Variants in KCNK1 observed in about 807,000 individuals in gnomAD.
The protein encoded by KCNK1 is potassium channel subfamily K member 1.
In KCNK1, 10 loss-of-function variants were observed where a neutral mutation model predicts 22.2. That is an observed-to-expected ratio of 0.45 (90% CI 0.28 to 0.76). The LOEUF (loss-of-function observed/expected upper bound fraction) is 0.76. Ranked by LOEUF, KCNK1 falls within the 30% of genes least tolerant of loss-of-function variation. The pLI, the probability that KCNK1 is intolerant of heterozygous loss-of-function variation, is 0.14. For synonymous variants in KCNK1, 200 were observed against 186.4 expected, an observed-to-expected ratio of 1.07 and a Z score of -0.60; for missense variants, 378 against 421.0, an observed-to-expected ratio of 0.90 and a Z score of 0.89.
intron 1 of KCNK1, among the ~76,000 whole-genome samples, chr1:233,656,091 C>G (rs1658291099): frequency 6.6e-6 from 1 of 152,160 alleles, no homozygotes; most frequent in African/African-American, 2.4e-5. Flanking sequence ...AATGTTGACA[C>G]CTCTGCATTC....
In KCNK1 at chr1:233,666,986, C is replaced by G. The variant is rs1658502252; in HGVS notation, c.747C>G (p.Ile249Met). ...TCAGAGAGCTCTATAAGATTGGGATCACGTGTGAGTATTACAGCTCCCTGG... is the reference window on the plus strand; with the variant it reads ...TCAGAGAGCTCTATAAGATTGGGATGACGTGTGAGTATTACAGCTCCCTGG... ...QKFRELYKIG[I>M]TCYLLLGLIA... The change falls in exon 2 of 3, where the codon ATC (isoleucine) becomes ATG (methionine). Residue 249 changes from isoleucine (I) to methionine (M), a missense_variant. Ile to Met is a conservative substitution (Grantham distance 10, BLOSUM62 1). Coordinates refer to ENST00000366621, the MANE Select transcript of KCNK1 (RefSeq NM_002245.4). The G allele has an allele frequency of 1.9e-6, 3 of 1,607,114 alleles. No homozygotes were observed. Among genetic ancestry groups the G allele is most frequent in the Non-Finnish European group, 2.5e-6 (3 of 1,176,976 alleles).
chr1:233,643,284 G>A (rs1415515467), intron 1 of KCNK1, among the ~76,000 whole-genome samples: 4 of 152,102 alleles, frequency 2.6e-5, no homozygotes, highest in Non-Finnish European at 1.5e-5. Context: ...GTATAAGTAA[G>A]GGACTTTGAG....
intron 1 of KCNK1, among the ~76,000 whole-genome samples, chr1:233,658,728 G>A (rs1658342696): frequency 6.6e-6 from 1 of 152,200 alleles, no homozygotes; most frequent in Non-Finnish European, 1.5e-5. Flanking sequence ...GAAGACTGTA[G>A]GCAAGTGTAA....
In KCNK1 at chr1:233,671,525, C is replaced by G; in HGVS notation, c.1006C>G (p.His336Asp). The change falls in exon 3 of 3, where the codon CAT becomes GAT. Residue 336 changes from histidine (H) to aspartate (D), a missense_variant. Physicochemically the swap from His to Asp is moderately conservative, Grantham distance 81. Coordinates refer to ENST00000366621, the MANE Select transcript of KCNK1 (RefSeq NM_002245.4). ...SSACVDGPAN[H>D] Reference sequence around the variant, plus strand: ...TGCCTGCGTGGATGGCCCTGCAAACCATTGAGCGTAGGATTTGTTGCATTA... The same window carrying G: ...TGCCTGCGTGGATGGCCCTGCAAACGATTGAGCGTAGGATTTGTTGCATTA... 1 of 1,613,950 alleles carries G rather than the reference C, an allele frequency of 6.2e-7. No homozygotes were observed. The highest frequency in any genetic ancestry group is 8.5e-7 in the Non-Finnish European group (1 of 1,180,034).
At chr1:233,624,277 G>A (rs1484415231) in intron 1 of KCNK1, 2 of 152,516 alleles carry the variant, frequency 1.3e-5, no homozygotes, top group Non-Finnish European at 2.9e-5. Flanking sequence ...AGGAAAGTGT[G>A]CTCCCCAGGA....
intron 1 of KCNK1, chr1:233,649,951 T>A (rs1233258872): frequency 1.9e-6 from 1 of 533,212 alleles, no homozygotes; most frequent in East Asian, 5.4e-5. Context: ...GTCCTGAGGG[T>A]TTTATCTCCT....
At chr1:233,650,813 A>T (rs1558116408) in intron 1 of KCNK1, among the ~76,000 whole-genome samples, 1 of 151,192 alleles carries the variant, frequency 6.6e-6, no homozygotes. Context: ...AAAAAAAAAA[A>T]CTGTTGACTT....
At chr1:233,617,794 G>T (rs1397394760) in intron 1 of KCNK1, among the ~76,000 whole-genome samples, 1 of 152,180 alleles carries the variant, frequency 6.6e-6, no homozygotes, top group Non-Finnish European at 1.5e-5. Flanking sequence ...AACAAAATTA[G>T]CCCGGAGTGA....
In KCNK1 at chr1:233,614,155, C is replaced by CTTTGGCTTTGGT. The variant is rs780220764; in HGVS notation, c.-17_-16insTTTGGCTTTGGT. 3.2e-6 allele frequency: 5 copies of CTTTGGCTTTGGT among 1,569,174 alleles called. No individual in the cohort carries two copies. In the South Asian group the frequency reaches 3.4e-5, roughly 11 times the overall value. ...GGCCGGTCTGCGGCGTTGGCCTTGGCGGCGGCGGTGGAGAAGATGCTGCAG... is the reference window on the plus strand; with the variant it reads ...GGCCGGTCTGCGGCGTTGGCCTTGGCTTTGGCTTTGGTGGCGGCGGTGGAGAAGATGCTGCAG... On this transcript the variant is annotated 5_prime_UTR_variant, in exon 1 of 3. Transcript: ENST00000366621.
At chr1:233,617,113 T>C (rs1657500372) in intron 1 of KCNK1, among the ~76,000 whole-genome samples, 2 of 152,156 alleles carry the variant, frequency 1.3e-5, no homozygotes, top group South Asian at 4.1e-4. Context: ...AATTGTTACC[T>C]AATTAATCAG....
intron 1 of KCNK1, among the ~76,000 whole-genome samples, chr1:233,658,638 T>C (rs1658341284): frequency 6.6e-6 from 1 of 152,216 alleles, no homozygotes; most frequent in African/African-American, 2.4e-5. Context: ...TGTCATTGTG[T>C]GAACAACGTA....
intron 1 of KCNK1, among the ~76,000 whole-genome samples, chr1:233,622,782 A>G (rs1657613635): frequency 6.6e-6 from 1 of 152,184 alleles, no homozygotes; most frequent in African/African-American, 2.4e-5. Flanking sequence ...GCCTTCTTTA[A>G]TTTGGAAAAC....
Position 233,615,076 on chromosome 1 carries a change from C to T in KCNK1, c.355+550C>T, listed in dbSNP as rs556494135. Among the ~76,000 whole-genome samples the T allele has an allele frequency of 2.0e-5, 3 of 152,328 alleles. No homozygotes were observed. The South Asian group carries it at 6.2e-4, about 32-fold the overall frequency. ...CCCTTTGGACCATGCACAGATATTC[C>T]AGCTCTTTTGTACCTTGGAGGCAGT... On this transcript the variant is annotated intron_variant, in intron 1 of 2. Transcript: ENST00000366621.
chr1:233,626,220 A>G (rs543314502), intron 1 of KCNK1, among the ~76,000 whole-genome samples: 4 of 151,944 alleles, frequency 2.6e-5, no homozygotes, highest in Middle Eastern at 3.4e-3. Flanking sequence ...TTGCTGATGG[A>G]TTGGATGTGA....
At chr1:233,665,822 A>G (rs1658478491) in intron 1 of KCNK1, among the ~76,000 whole-genome samples, 1 of 152,210 alleles carries the variant, frequency 6.6e-6, no homozygotes, top group Admixed American at 6.5e-5. Context: ...ACTGATAGTG[A>G]CAGAATGTGC....
chr1:233,621,021 A>G (rs1222528379), intron 1 of KCNK1, among the ~76,000 whole-genome samples: 1 of 152,226 alleles, frequency 6.6e-6, no homozygotes, highest in Non-Finnish European at 1.5e-5. Flanking sequence ...CTTAGGTCCC[A>G]AAGCCGGAAG....
intron 1 of KCNK1, among the ~76,000 whole-genome samples, chr1:233,658,168 T>G (rs1318006829): frequency 2.0e-5 from 3 of 152,170 alleles, no homozygotes; most frequent in Non-Finnish European, 4.4e-5. Flanking sequence ...TCAACACATT[T>G]CAAAGTTAAA....
chr1:233,626,503 C>T (rs916264308), intron 1 of KCNK1, among the ~76,000 whole-genome samples: 5 of 152,212 alleles, frequency 3.3e-5, no homozygotes, highest in Admixed American at 6.5e-5. Context: ...GTACAGCATG[C>T]CGTGATGTCA....
At chr1:233,636,489 T>G (rs1346918811) in intron 1 of KCNK1, 3 of 152,176 alleles carry the variant, frequency 2.0e-5, no homozygotes, top group Non-Finnish European at 4.4e-5. Flanking sequence ...GCTGCAGGAT[T>G]TTGGCTTGAG....
Sources: allele counts gnomAD v4.1 joint callset (sites outside exome capture counted in the v4.1 genomes callset), GRCh38; gene constraint gnomAD v4.1.1; transcripts MANE v1.5; gene names NCBI Gene and HGNC (gene_info 2026-07-23, HGNC 2026-07-21).